GALNT10: variants seen among roughly 807,000 people sequenced by gnomAD.
GALNT10 encodes the protein GalNAc transferase 10.
In GALNT10, 41 loss-of-function variants were observed where a neutral mutation model predicts 75.0. The observed-to-expected ratio is 0.55, with a 90% CI of 0.43 to 0.71. GALNT10 has a LOEUF of 0.71. Ranked by LOEUF, GALNT10 falls within the 30% of genes least tolerant of loss-of-function variation. The probability of loss-of-function intolerance (pLI) is 0.00; values close to 1 mark genes in which losing one functional copy is unlikely to be tolerated. For missense variants in GALNT10, 727 were observed against 818.5 expected, an observed-to-expected ratio of 0.89 and a Z score of 1.36; for synonymous variants, 302 against 313.0, an observed-to-expected ratio of 0.96 and a Z score of 0.37.
intron 1 of GALNT10, among the ~76,000 whole-genome samples, chr5:154,202,490 G>A (rs2113642816): frequency 6.6e-6 from 1 of 152,310 alleles, no homozygotes; most frequent in East Asian, 1.9e-4. Flanking sequence ...CAGGGAGTGA[G>A]TGCCCTTACT....
chr5:154,286,246 T>G (rs1754109111), intron 1 of GALNT10, among the ~76,000 whole-genome samples: 1 of 152,178 alleles, frequency 6.6e-6, no homozygotes, highest in African/African-American at 2.4e-5. Flanking sequence ...CCTCAGCACC[T>G]AGCACAAGGC....
chr5:154,322,722 C>T (rs1378959068), intron 3 of GALNT10, among the ~76,000 whole-genome samples: 3 of 152,194 alleles, frequency 2.0e-5, no homozygotes, highest in African/African-American at 7.2e-5. Context: ...GAGCTGATGT[C>T]CTCAGCCAGA....
At position 154,354,689 on chromosome 5, in the gene GALNT10, G is replaced by A. The variant is rs150192832; in HGVS notation, c.569-21588G>A. On this transcript the variant is annotated intron_variant, in intron 4 of 11. Coordinates refer to ENST00000297107, the MANE Select transcript of GALNT10 (RefSeq NM_198321.4). ...TGGGGCATTCGGGTGGGGGGGTATC[G>A]TTGGGGAGAGGAGACAGTTAAGGAC... Among the ~76,000 whole-genome samples, 24 of 152,286 alleles carry A rather than the reference G, an allele frequency of 1.6e-4. No homozygotes were observed. In the East Asian group the frequency reaches 2.9e-3, roughly 18 times the overall value.
rs900733562 is a variant in GALNT10, at chr5:154,417,056, G to C, written c.*84G>C. 51 of 1,278,622 alleles carry C rather than the reference G, an allele frequency of 4.0e-5. No homozygotes were observed. Among genetic ancestry groups the C allele is most frequent in the Non-Finnish European group, 5.4e-5 (48 of 893,770 alleles). 79.2% of individuals were successfully genotyped at this position (1,278,622 alleles called of 1,614,324 possible). A position where few individuals can be genotyped will look rare whatever the true frequency, so the allele number is the denominator to read the frequency against. ...TTCAAGGGAGGCAGGGCCCCTGTGG[G>C]CACTAGGTGTAAAAGGTGCTGGCCA... On this transcript the variant is annotated 3_prime_UTR_variant, in exon 12 of 12. Transcript: ENST00000297107.
At chr5:154,201,476 T>G (rs1171555863) in intron 1 of GALNT10, among the ~76,000 whole-genome samples, 2 of 152,238 alleles carry the variant, frequency 1.3e-5, no homozygotes, top group African/African-American at 4.8e-5. Flanking sequence ...TGTTTATATT[T>G]AGATGATTCT....
intron 6 of GALNT10, among the ~76,000 whole-genome samples, chr5:154,385,761 T>G (rs1755798524): frequency 6.6e-6 from 1 of 152,222 alleles, no homozygotes; most frequent in African/African-American, 2.4e-5. Context: ...AGACAGTGGC[T>G]TCTTCTGTAA....
chr5:154,243,954 G>T (rs4958370), intron 1 of GALNT10, among the ~76,000 whole-genome samples: 96,323 of 152,098 alleles, frequency 0.63, 31,157 homozygotes, highest in East Asian at 0.86. Flanking sequence ...TTCTTGGCCA[G>T]AGTCCTCATT....
chr5:154,305,258 T>G (rs1457428443), intron 3 of GALNT10, among the ~76,000 whole-genome samples: 1 of 150,440 alleles, frequency 6.6e-6, no homozygotes, highest in Non-Finnish European at 1.5e-5. Flanking sequence ...ACCGTGCTAC[T>G]GCACTCCAGC....
intron 1 of GALNT10, among the ~76,000 whole-genome samples, chr5:154,263,541 A>G (rs961378628): frequency 1.3e-5 from 2 of 152,200 alleles, no homozygotes; most frequent in Non-Finnish European, 2.9e-5. Context: ...TCAGACTGCT[A>G]TATCAAAAGA....
At chr5:154,394,276 T>C (rs1319361365) in intron 7 of GALNT10, among the ~76,000 whole-genome samples, 2 of 149,534 alleles carry the variant, frequency 1.3e-5, no homozygotes, top group South Asian at 2.1e-4. Flanking sequence ...ACTGATATGG[T>C]TACTGAAAGG....
At chr5:154,344,978 C>T (rs1236725643) in intron 4 of GALNT10, among the ~76,000 whole-genome samples, 3 of 152,216 alleles carry the variant, frequency 2.0e-5, no homozygotes, top group Non-Finnish European at 2.9e-5. Context: ...TCATAGCCCC[C>T]GAGTCCAGGC....
intron 3 of GALNT10, among the ~76,000 whole-genome samples, chr5:154,309,654 A>AG (rs1341509759): frequency 2.6e-5 from 4 of 152,166 alleles, no homozygotes; most frequent in African/African-American, 9.7e-5. Context: ...ATAAGAGAGA[A>AG]GCCAAGGATA....
At chr5:154,406,655 G>T (rs1361564806) in intron 8 of GALNT10, among the ~76,000 whole-genome samples, 3 of 152,206 alleles carry the variant, frequency 2.0e-5, no homozygotes, top group Non-Finnish European at 4.4e-5. Context: ...AAATTAGCCA[G>T]GCGTGGTGGT....
rs36043154 is a variant in GALNT10 at position 154,287,959 on chromosome 5, TGA to T, written c.160-6840_160-6839del. ...GCATGTGTGTGCATGTGTGTGTGTG[TGA>T]GAGAGAGAGAGAGAGAAGTTTATTA... On this transcript the variant is annotated intron_variant, in intron 1 of 11. Transcript: ENST00000297107. Among the ~76,000 whole-genome samples, 31 of 149,898 alleles carry T rather than the reference TGA, an allele frequency of 2.1e-4. 2 individuals are homozygous for T. Among genetic ancestry groups the T allele is most frequent in the South Asian group, 4.2e-4 (2 of 4,734 alleles).
intron 4 of GALNT10, among the ~76,000 whole-genome samples, chr5:154,343,681 T>C (rs1755068823): frequency 6.6e-6 from 1 of 152,170 alleles, no homozygotes; most frequent in African/African-American, 2.4e-5. Flanking sequence ...ATTTCCTTTT[T>C]TCTGTTGCCT....
chr5:154,382,100 C>A (rs1192732577), intron 6 of GALNT10, among the ~76,000 whole-genome samples: 1 of 152,212 alleles, frequency 6.6e-6, no homozygotes, highest in Non-Finnish European at 1.5e-5. Flanking sequence ...CTCTCCCCAT[C>A]TGAGAAGCAG....
intron 1 of GALNT10, among the ~76,000 whole-genome samples, chr5:154,191,553 A>G (rs560998295): frequency 6.7e-6 from 1 of 149,434 alleles, no homozygotes; most frequent in East Asian, 2.0e-4. Flanking sequence ...CTCCCCATTT[A>G]TTCAACACCC....
At chr5:154,330,325 G>C (rs1754835922) in intron 4 of GALNT10, among the ~76,000 whole-genome samples, 1 of 152,242 alleles carries the variant, frequency 6.6e-6, no homozygotes, top group Non-Finnish European at 1.5e-5. Context: ...GGAAGGCAGG[G>C]AATGTGAGTG....
intron 1 of GALNT10, chr5:154,220,488 A>T (rs1226270571): frequency 6.6e-6 from 1 of 152,224 alleles, no homozygotes; most frequent in Non-Finnish European, 1.5e-5. Flanking sequence ...CTGCACATTT[A>T]GGTTTCCATG....
Sources: gnomAD v4.1 joint callset for allele counts (sites outside exome capture counted in the v4.1 genomes callset) on GRCh38, gnomAD v4.1.1 for gene constraint, MANE v1.5 for transcripts, NCBI Gene and HGNC (gene_info 2026-07-23, HGNC 2026-07-21) for gene names.